Variants in RRAGC observed in about 807,000 individuals in gnomAD.
The protein encoded by RRAGC is Ras related GTP binding C.
A neutral mutation model predicts 37.1 loss-of-function variants in RRAGC; 8 were observed. The observed-to-expected ratio is 0.22, with a 90% CI of 0.13 to 0.39. The LOEUF (loss-of-function observed/expected upper bound fraction) is 0.39. RRAGC is among the 10% of genes least tolerant of loss of function. RRAGC has a pLI of 1.00. For synonymous variants in RRAGC, 190 were observed against 181.1 expected, an observed-to-expected ratio of 1.05 and a Z score of -0.39; for missense variants, 342 against 497.6, an observed-to-expected ratio of 0.69 and a Z score of 2.98.
At chr1:38,847,561 T>C (rs1642044032) in intron 5 of RRAGC, 1 of 143,070 alleles carries the variant, frequency 7.0e-6, no homozygotes, top group Non-Finnish European at 1.5e-5. Flanking sequence ...TTTCCGTGTA[T>C]TTTTTTTTTC....
chr1:38,851,212 A>G (rs1642097463), intron 5 of RRAGC, among the ~76,000 whole-genome samples: 2 of 152,234 alleles, frequency 1.3e-5, no homozygotes, highest in South Asian at 4.1e-4. Context: ...AAAGATTAAG[A>G]ATCCCTAATT....
Position 38,859,680 on chromosome 1 carries a change from G to A in RRAGC, c.-34C>T. 2.1e-6 allele frequency: 3 copies of A among 1,446,652 alleles called. 1 individual carries two copies. The South Asian group carries it at 4.2e-5, about 20-fold the overall frequency. 89.6% of individuals were successfully genotyped at this position (1,446,652 alleles called of 1,614,324 possible). On this transcript the variant is annotated 5_prime_UTR_variant, in exon 1 of 7. Transcript: ENST00000373001. ...AGCCGCCGCCGCCCGCGCCCTGACA[G>A]GCCAGGCCAGGCCGAGCCAGGCCGC... is the stretch of plus-strand genomic sequence containing the variant.
intron 5 of RRAGC, among the ~76,000 whole-genome samples, chr1:38,850,003 G>A (rs1276555222): frequency 7.3e-5 from 11 of 151,328 alleles, no homozygotes; most frequent in Admixed American, 1.3e-4. Context: ...TCAGGAGTTC[G>A]AGACCAGCCT....
chr1:38,853,747 CAA>C (rs568264211), intron 3 of RRAGC, among the ~76,000 whole-genome samples: 44 of 97,038 alleles, frequency 4.5e-4, no homozygotes, highest in Admixed American at 5.7e-4. Context: ...AACTCCATCT[CAA>C]AAAAAAAAAA....
At chr1:38,852,266 C>T (rs1272892126) in intron 4 of RRAGC, 108 bp downstream of exon 4, 5 of 722,804 alleles carry the variant, frequency 6.9e-6, no homozygotes, top group Non-Finnish European at 7.5e-6. Context: ...AGTCTTTGTA[C>T]TTGATACAGA....
At chr1:38,854,068 T>C (rs1350370576) in intron 3 of RRAGC, among the ~76,000 whole-genome samples, 2 of 138,774 alleles carry the variant, frequency 1.4e-5, no homozygotes, top group Non-Finnish European at 1.6e-5. Flanking sequence ...TAAAAGTCTT[T>C]TTTTTTTTTT....
At chr1:38,843,681 C>T (rs968121894) in intron 6 of RRAGC, among the ~76,000 whole-genome samples, 1 of 149,712 alleles carries the variant, frequency 6.7e-6, no homozygotes, top group African/African-American at 2.5e-5. Flanking sequence ...GATTGCGCCA[C>T]TGCACTCCAG....
At chr1:38,842,759 A>G (rs568915551) in intron 6 of RRAGC, among the ~76,000 whole-genome samples, 1 of 152,342 alleles carries the variant, frequency 6.6e-6, no homozygotes, top group Non-Finnish European at 1.5e-5. Flanking sequence ...AAAATAATCC[A>G]AATGTCCAGC....
intron 6 of RRAGC, among the ~76,000 whole-genome samples, chr1:38,840,815 A>T (rs1017579364): frequency 6.6e-6 from 1 of 152,256 alleles, no homozygotes; most frequent in African/African-American, 2.4e-5. Context: ...CAGCCAAATT[A>T]AGGTGGACCT....
At position 38,851,750 on chromosome 1, in the gene RRAGC, C is replaced by T; in HGVS notation, c.764G>A (p.Gly255Asp). Residue 255 changes from glycine (G) to aspartate (D), a missense_variant, in exon 5 of 7, where the codon GGT (glycine) becomes GAT (aspartate). Physicochemically the swap from Gly to Asp is moderately conservative, Grantham distance 94. This residue lies in a region of RRAGC where 134 missense variants were observed against 277.2 expected (regional missense o/e 0.48). Transcript: ENST00000373001. ...NLLNIFISNS[G>D]IEKAFLFDVV... ...ATCAAAGAGAAAAGCTTTTTCAATA[C>T]CTGAATTCTTGGAAAAACAAATGGG... The T allele has an allele frequency of 6.2e-7, 1 of 1,609,374 alleles. No homozygotes were observed. Among genetic ancestry groups the T allele is most frequent in the East Asian group, 2.2e-5 (1 of 44,624 alleles).
chr1:38,851,739 C>T lies in RRAGC; in HGVS notation c.775G>A (p.Ala259Thr), dbSNP rs1156677833. 6.2e-7 allele frequency: 1 copy of T among 1,610,262 alleles called. No homozygotes were observed. The highest frequency in any genetic ancestry group is 1.1e-5 in the South Asian group (1 of 90,202). Residue 259 changes from alanine to threonine, a missense_variant, in exon 5 of 7, where the codon GCT becomes ACT. This residue lies in a region of RRAGC where 134 missense variants were observed against 277.2 expected (regional missense o/e 0.48). Coordinates refer to ENST00000373001, the MANE Select transcript of RRAGC (RefSeq NM_022157.4). ...IFISNSGIEK[A>T]FLFDVVSKIY... ...TTGCTGACAACATCAAAGAGAAAAG[C>T]TTTTTCAATACCTGAATTCTTGGAA...
Position 38,855,921 on chromosome 1 carries a change from C to A in RRAGC, c.442-14G>T. Reference sequence around the variant, plus strand: ...CATGTAGTCATCCTGTAAGTCAGAACAAAATATTTTTTAAAATAAATCTTA... The same window carrying A: ...CATGTAGTCATCCTGTAAGTCAGAAAAAAATATTTTTTAAAATAAATCTTA... On this transcript the variant is annotated splice_polypyrimidine_tract_variant and intron_variant, in intron 2 of 6. Transcript: ENST00000373001. 6.3e-7 allele frequency: 1 copy of A among 1,586,356 alleles called. No individual in the cohort carries two copies.
intron 1 of RRAGC, among the ~76,000 whole-genome samples, chr1:38,858,056 A>G (rs1642188350): frequency 6.6e-6 from 1 of 152,226 alleles, no homozygotes; most frequent in African/African-American, 2.4e-5. Flanking sequence ...AAAGTGAACA[A>G]TTACTCTCAA....
chr1:38,846,247 A>T, intron 5 of RRAGC, 160 bp from the exon 6 acceptor site: 2 of 591,460 alleles, frequency 3.4e-6, no homozygotes, highest in East Asian at 6.0e-5. Context: ...TAGTGTTCCT[A>T]AACACAGAAT....
At position 38,858,459 on chromosome 1, in the gene RRAGC, G is replaced by A. The variant is rs537308875; in HGVS notation, c.237+951C>T. Among the ~76,000 whole-genome samples, 10 of 152,306 alleles carry A rather than the reference G, an allele frequency of 6.6e-5. No individual in the cohort carries two copies. The East Asian group carries it at 1.9e-3, about 29-fold the overall frequency. ...CACACCTGTAATCCCAGCACTTTGG[G>A]AGGCCAAGGCGGATGATCACTTGAG... is the stretch of plus-strand genomic sequence containing the variant. On this transcript the variant is annotated intron_variant, in intron 1 of 6. Coordinates refer to ENST00000373001, the MANE Select transcript of RRAGC (RefSeq NM_022157.4).
chr1:38,859,677 ACAGGC>A lies in RRAGC; in HGVS notation c.-36_-32del. On this transcript the variant is annotated 5_prime_UTR_variant, in exon 1 of 7. Transcript: ENST00000373001. ...TGGAGCCGCCGCCGCCCGCGCCCTG[ACAGGC>A]CAGGCCAGGCCGAGCCAGGCCGCCG... is the stretch of plus-strand genomic sequence containing the variant. 9 of 1,519,386 alleles carry A rather than the reference ACAGGC, an allele frequency of 5.9e-6. No homozygotes were observed. The highest frequency in any genetic ancestry group is 7.9e-6 in the Non-Finnish European group (9 of 1,133,632). The allele number at this position is 1,519,386 out of a possible 1,614,324, so 94.1% of individuals were successfully genotyped here.
chr1:38,857,111 A>C (rs1242624052), intron 1 of RRAGC, 29 bp from the exon 2 acceptor site: 2 of 1,458,358 alleles, frequency 1.4e-6, no homozygotes, highest in Non-Finnish European at 1.9e-6. Flanking sequence ...CAATTTTATG[A>C]CTATTAAACT....
Position 38,839,580 on chromosome 1 carries a change from G to T in RRAGC, c.1173C>A (p.His391Gln), listed in dbSNP as rs749660538. ...AGATGGCGTTTCGTGGCGTGCCATT[G>T]TGTGTCAGCGCTTTCAGACTGGAGG... ...TSASSLKALT[H>Q]NGTPRNAI Residue 391 changes from histidine (H) to glutamine (Q), a missense_variant, in exon 7 of 7, where the codon CAC (histidine) becomes CAA (glutamine). His to Gln is a conservative substitution (Grantham distance 24, BLOSUM62 0). Around this residue, in one of 3 missense-constraint regions of RRAGC, gnomAD observed 104 missense variants for 127.0 expected, o/e 0.82. Transcript: ENST00000373001. 54 of 1,614,014 alleles carry T rather than the reference G, an allele frequency of 3.3e-5. No homozygotes were observed. The Admixed American group carries it at 8.3e-4, about 25-fold the overall frequency.
chr1:38,842,226 C>A (rs531740414), intron 6 of RRAGC, among the ~76,000 whole-genome samples: 53 of 152,108 alleles, frequency 3.5e-4, no homozygotes, highest in Admixed American at 1.2e-3. Flanking sequence ...GAGCCGAGAT[C>A]GCACCACTGC....
Sources: gnomAD v4.1 joint callset for allele counts (sites outside exome capture counted in the v4.1 genomes callset) on GRCh38, gnomAD v4.1.1 for gene constraint, gnomAD v4.1.1 regional missense constraint, MANE v1.5 for transcripts, NCBI Gene and HGNC (gene_info 2026-07-23, HGNC 2026-07-21) for gene names.